Variants in EXOC4 observed in about 807,000 individuals in gnomAD.
EXOC4 encodes exocyst complex component 4.
A neutral mutation model predicts 107.2 loss-of-function variants in EXOC4; 71 were observed. The observed-to-expected ratio is 0.66, with a 90% CI of 0.55 to 0.81. The LOEUF is 0.81. EXOC4 is among the 30% of genes least tolerant of loss of function. The probability of loss-of-function intolerance (pLI) is 0.00; values close to 1 mark genes in which losing one functional copy is unlikely to be tolerated. For synonymous variants in EXOC4, 456 were observed against 441.2 expected (o/e 1.03, Z -0.42); for missense variants, 1,108 against 1,189.6 (o/e 0.93, Z 1.01).
chr7:134,089,298 C>T, the EXOC4 span, among the ~76,000 whole-genome samples: 4 of 152,188 alleles, frequency 2.6e-5, no homozygotes, highest in Admixed American at 6.5e-5. Context: ...ATCCACATTC[C>T]TATGACTTCT....
chr7:134,057,001 A>G (rs1177295889), intron 17 of EXOC4, among the ~76,000 whole-genome samples: 1 of 152,132 alleles, frequency 6.6e-6, no homozygotes, highest in African/African-American at 2.4e-5. Flanking sequence ...GAGGAGTGAA[A>G]CAGCTGATTT....
intron 11 of EXOC4, among the ~76,000 whole-genome samples, chr7:133,819,772 A>G (rs1317864411): frequency 6.6e-6 from 1 of 152,212 alleles, no homozygotes; most frequent in Non-Finnish European, 1.5e-5. Flanking sequence ...GCATCAGTAC[A>G]TTACAGAGTG....
At chr7:133,584,233 T>A (rs1801342863) in intron 9 of EXOC4, among the ~76,000 whole-genome samples, 1 of 152,138 alleles carries the variant, frequency 6.6e-6, no homozygotes, top group Non-Finnish European at 1.5e-5. Context: ...TGAGTTGACA[T>A]CATGATTGTG....
At chr7:133,973,752 A>G (rs1458091382) in intron 14 of EXOC4, among the ~76,000 whole-genome samples, 1 of 152,256 alleles carries the variant, frequency 6.6e-6, no homozygotes, top group African/African-American at 2.4e-5. Context: ...CATGGATGAT[A>G]GATGGCAAAA....
intron 7 of EXOC4, among the ~76,000 whole-genome samples, chr7:133,393,876 G>A (rs1369240060): frequency 6.6e-6 from 1 of 152,196 alleles, no homozygotes; most frequent in Non-Finnish European, 1.5e-5. Flanking sequence ...CTTTGTAAAT[G>A]TGTTGAACTT....
At chr7:133,347,608 A>C (rs902969888) in intron 5 of EXOC4, among the ~76,000 whole-genome samples, 2 of 152,318 alleles carry the variant, frequency 1.3e-5, no homozygotes, top group South Asian at 4.1e-4. Flanking sequence ...TTATCTAGTC[A>C]ATCTTTTCAT....
In EXOC4 at chr7:133,961,280, C is replaced by CTTTTTTTTTTT. The variant is rs34400471; in HGVS notation, c.2206+23225_2206+23235dup. On this transcript the variant is annotated intron_variant, in intron 14 of 17. Coordinates refer to ENST00000253861, the MANE Select transcript of EXOC4 (RefSeq NM_021807.4). ...TTAAACCAATGAGACTCATGTCAAA[C>CTTTTTTTTTTT]TTTTTTTTTTTTTTTTTTTTTTTTG... Among the ~76,000 whole-genome samples, 27 of 77,018 alleles carry CTTTTTTTTTTT rather than the reference C, an allele frequency of 3.5e-4. 2 individuals carry two copies. Among genetic ancestry groups the CTTTTTTTTTTT allele is most frequent in the Non-Finnish European group, 5.1e-4 (23 of 45,154 alleles). The allele number at this position is 77,018 out of a possible 152,430, so 50.5% of individuals were successfully genotyped here. A position where few individuals can be genotyped will look rare whatever the true frequency, so the allele number is the denominator to read the frequency against.
At chr7:133,706,100 G>A (rs1006890314) in intron 10 of EXOC4, among the ~76,000 whole-genome samples, 1 of 152,090 alleles carries the variant, frequency 6.6e-6, no homozygotes, top group African/African-American at 2.4e-5. Context: ...TGCCTTTTCT[G>A]TCAGGTTGTG....
chr7:133,374,962 A>G lies in EXOC4; in HGVS notation c.1142A>G (p.Asp381Gly). ...LTQQEDIKLY[D>G]MADVWVKIQD... ...CAGCAGGAAGATATCAAACTGTATG[A>G]TATGGCAGATGTATGGGTGAAGATC... Residue 381 changes from aspartate to glycine, a missense_variant, in exon 7 of 18, where the codon GAT becomes GGT. Coordinates refer to ENST00000253861, the MANE Select transcript of EXOC4 (RefSeq NM_021807.4). 6.2e-7 allele frequency: 1 copy of G among 1,614,036 alleles called. No homozygotes were observed.
chr7:133,845,040 AT>A lies in EXOC4; in HGVS notation c.1734+27497del, dbSNP rs1798096505. ...TATCTTAACATTGAAATTTGTATGT[AT>A]AAGTAGACTCTACATCCTGGGAACT... is the stretch of plus-strand genomic sequence containing the variant. On this transcript the variant is annotated intron_variant, in intron 11 of 17. Coordinates refer to ENST00000253861, the MANE Select transcript of EXOC4 (RefSeq NM_021807.4). 2.0e-5 allele frequency among the ~76,000 whole-genome samples: 3 copies of A among 152,334 alleles called. No homozygotes were observed. The South Asian group carries it at 6.2e-4, about 32-fold the overall frequency.
intron 11 of EXOC4, among the ~76,000 whole-genome samples, chr7:133,877,976 C>T (rs1039072221): frequency 2.6e-5 from 4 of 152,122 alleles, no homozygotes; most frequent in African/African-American, 7.2e-5. Flanking sequence ...AGAGGGCTCA[C>T]GTCATTTGTT....
chr7:133,785,059 T>G (rs1407848263), intron 10 of EXOC4, among the ~76,000 whole-genome samples: 1 of 152,202 alleles, frequency 6.6e-6, no homozygotes, highest in Non-Finnish European at 1.5e-5. Flanking sequence ...CTAACTTCTC[T>G]AAGTTAAATC....
chr7:133,557,490 C>T (rs1325265152), intron 9 of EXOC4, among the ~76,000 whole-genome samples: 1 of 152,040 alleles, frequency 6.6e-6, no homozygotes, highest in African/African-American at 2.4e-5. Flanking sequence ...ATTTTGAAAT[C>T]AAAACGTTCA....
chr7:133,897,330 A>G (rs1178881751), intron 12 of EXOC4, among the ~76,000 whole-genome samples: 1 of 152,158 alleles, frequency 6.6e-6, no homozygotes, highest in Non-Finnish European at 1.5e-5. Context: ...CAAAACTTAT[A>G]TTTAGGTTAA....
chr7:133,608,557 T>TTC (rs1158431983), intron 9 of EXOC4, among the ~76,000 whole-genome samples: 1 of 145,004 alleles, frequency 6.9e-6, no homozygotes, highest in East Asian at 2.0e-4. Context: ...TTTTTTTTTT[T>TTC]TTTTTTTTTT....
intron 3 of EXOC4, among the ~76,000 whole-genome samples, chr7:133,294,977 C>T (rs1794486235): frequency 6.6e-6 from 1 of 151,894 alleles, no homozygotes; most frequent in African/African-American, 2.4e-5. Context: ...ATATGTATCT[C>T]CAAGGGTTGT....
At chr7:133,384,541 C>T (rs1291887110) in intron 7 of EXOC4, among the ~76,000 whole-genome samples, 1 of 151,994 alleles carries the variant, frequency 6.6e-6, no homozygotes, top group Non-Finnish European at 1.5e-5. Context: ...TCCAAGAGGC[C>T]ATAATAAGTT....
At chr7:133,602,187 T>A (rs1050102344) in intron 9 of EXOC4, among the ~76,000 whole-genome samples, 4 of 152,240 alleles carry the variant, frequency 2.6e-5, no homozygotes, top group African/African-American at 9.6e-5. Flanking sequence ...TAAAAGGGTT[T>A]TGGAATTTTG....
chr7:134,080,145 A>G, the EXOC4 span, among the ~76,000 whole-genome samples: 2 of 152,172 alleles, frequency 1.3e-5, no homozygotes, highest in Non-Finnish European at 2.9e-5. Context: ...CCTGCCACAA[A>G]ACCTACCCTT....
Sources: gnomAD v4.1 joint callset for allele counts (sites outside exome capture counted in the v4.1 genomes callset) on GRCh38, gnomAD v4.1.1 for gene constraint, MANE v1.5 for transcripts, NCBI Gene and HGNC (gene_info 2026-07-23, HGNC 2026-07-21) for gene names.